Variants in POMK observed in about 807,000 individuals in gnomAD.
POMK encodes the protein protein O-mannose kinase, also known as Sugen kinase 196.
POMK carries 19 observed loss-of-function variants against 23.0 expected under a neutral mutation model. The ratio of observed to expected loss-of-function variants is 0.83; its 90% CI spans 0.58 to 1.21. The LOEUF (loss-of-function observed/expected upper bound fraction) is 1.21. Ranked by LOEUF, POMK falls within the 50% of genes most tolerant of loss-of-function variation. The pLI is 0.00. For synonymous variants in POMK, 173 were observed against 171.6 expected, an observed-to-expected ratio of 1.01 and a Z score of -0.06; for missense variants, 410 against 431.3, an observed-to-expected ratio of 0.95 and a Z score of 0.44.
At chr8:43,095,721 T>A (rs1811321000) in intron 1 of POMK, among the ~76,000 whole-genome samples, 1 of 152,188 alleles carries the variant, frequency 6.6e-6, no homozygotes, top group Non-Finnish European at 1.5e-5. Context: ...GCCAAAACTC[T>A]GGCAAGAGGC....
In POMK at chr8:43,099,797, G is replaced by A. The variant is rs902341957; in HGVS notation, c.-118+2182G>A. ...TAATAGGAGAGTGCAGGAACCTGGG[G>A]TGGGGCTTGGGAACTGGTGGAAATG... On this transcript the variant is annotated intron_variant, in intron 2 of 4. Coordinates refer to ENST00000331373, the MANE Select transcript of POMK (RefSeq NM_032237.5). 7.0e-4 allele frequency among the ~76,000 whole-genome samples: 106 copies of A among 152,280 alleles called. 1 individual carries two copies. The highest frequency in any genetic ancestry group is 2.4e-4 in the Non-Finnish European group (16 of 68,024).
chr8:43,102,678 C>G (rs1464883155), intron 3 of POMK, 78 bp downstream of exon 3: 1 of 152,440 alleles, frequency 6.6e-6, no homozygotes, highest in Non-Finnish European at 1.5e-5. Flanking sequence ...TTAGCTGGCT[C>G]CCACTGGCAT....
rs1811939577 is a variant in POMK at position 43,122,446 on chromosome 8, C to T, written c.622C>T (p.Leu208=). 1.2e-6 allele frequency: 2 copies of T among 1,614,182 alleles called. No individual in the cohort carries two copies. Among genetic ancestry groups the T allele is most frequent in the East Asian group, 4.5e-5 (2 of 44,880 alleles). The change falls in exon 5 of 5, where the codon CTG becomes TTG. Residue 208 remains leucine, a synonymous_variant. Transcript: ENST00000331373. ...GTRVMCDSND[L]PKTLSQYLLT... Reference sequence around the variant, plus strand: ...ACGGGTCATGTGCGACTCCAACGACCTGCCGAAGACACTGTCCCAGTATCT... The same window carrying T: ...ACGGGTCATGTGCGACTCCAACGACTTGCCGAAGACACTGTCCCAGTATCT...
Position 43,122,487 on chromosome 8 carries a change from C to T in POMK, c.663C>T (p.Phe221=), listed in dbSNP as rs145931566. The stretch of plus-strand genomic sequence containing the variant: ...CCCAGTATCTGCTAACAAGCAACTT[C>T]AGCATTTTGGCAAATGACTTGGACG... ...TLSQYLLTSN[F]SILANDLDAL... Residue 221 remains phenylalanine (F), a synonymous_variant, in exon 5 of 5, where the codon TTC becomes TTT. Coordinates refer to ENST00000331373, the MANE Select transcript of POMK (RefSeq NM_032237.5). 1 of 1,614,050 alleles carries T rather than the reference C, an allele frequency of 6.2e-7. No individual in the cohort carries two copies. The highest frequency in any genetic ancestry group is 8.5e-7 in the Non-Finnish European group (1 of 1,180,030).
At chr8:43,093,788 A>G (rs1563334186) in intron 1 of POMK, among the ~76,000 whole-genome samples, 4 of 152,216 alleles carry the variant, frequency 2.6e-5, no homozygotes, top group South Asian at 2.1e-4. Flanking sequence ...GCGGGACGTT[A>G]AAGAACCAGA....
rs1215580686 is a variant in POMK at position 43,122,622 on chromosome 8, G to T, written c.798G>T (p.Val266=). The change falls in exon 5 of 5, where the codon GTG becomes GTT. Residue 266 remains valine, a synonymous_variant. Transcript: ENST00000331373. ...PEQLWPYGED[V]PFHDDLMPSY... ...AACTGTGGCCCTATGGAGAGGACGT[G>T]CCTTTCCACGATGATCTCATGCCCT... The T allele has an allele frequency of 2.5e-6, 4 of 1,614,052 alleles. No individual in the cohort carries two copies. Among genetic ancestry groups the T allele is most frequent in the Non-Finnish European group, 3.4e-6 (4 of 1,180,024 alleles).
chr8:43,113,440 G>A (rs1044389002), intron 4 of POMK, among the ~76,000 whole-genome samples: 1 of 151,938 alleles, frequency 6.6e-6, no homozygotes, highest in Admixed American at 6.6e-5. Flanking sequence ...TGTAGTTCTC[G>A]AGCCTTGGCT....
chr8:43,115,101 G>A (rs1360284957), intron 4 of POMK, among the ~76,000 whole-genome samples: 2 of 152,190 alleles, frequency 1.3e-5, no homozygotes, highest in East Asian at 3.9e-4. Flanking sequence ...AGGATCCCTT[G>A]TGATGTCTTA....
rs893521540 is a variant in POMK, at chr8:43,093,558, C to T, written c.-215C>T. ...GTGGCAGGAGCCGCAGAGGCTTGGG[C>T]TGCAGGTAGGTGCTGCGGCGAGGGG... On this transcript the variant is annotated 5_prime_UTR_variant, in exon 1 of 5. Coordinates refer to ENST00000331373, the MANE Select transcript of POMK (RefSeq NM_032237.5). The T allele has an allele frequency of 1.3e-5, 2 of 152,878 alleles. No homozygotes were observed. The highest frequency in any genetic ancestry group is 6.5e-5 in the Admixed American group (1 of 15,292). 9.5% of individuals were successfully genotyped at this position (152,878 alleles called of 1,614,324 possible). A position where few individuals can be genotyped will look rare whatever the true frequency, so the allele number is the denominator to read the frequency against.
intron 4 of POMK, among the ~76,000 whole-genome samples, chr8:43,116,188 G>A (rs922804041): frequency 6.6e-6 from 1 of 152,212 alleles, no homozygotes; most frequent in Non-Finnish European, 1.5e-5. Context: ...CATGGTGGTA[G>A]GGATTTATGT....
intron 4 of POMK, among the ~76,000 whole-genome samples, chr8:43,115,077 G>T (rs1157737374): frequency 6.6e-6 from 1 of 152,192 alleles, no homozygotes; most frequent in African/African-American, 2.4e-5. Flanking sequence ...CTCTCATTTT[G>T]TGTAACCTTT....
chr8:43,118,813 G>T (rs943831011), intron 4 of POMK, among the ~76,000 whole-genome samples: 10 of 146,466 alleles, frequency 6.8e-5, no homozygotes, highest in South Asian at 2.1e-4. Context: ...TGTTTTTTTT[G>T]TTGTTGTTGT....
Position 43,122,471 on chromosome 8 carries a change from T to G in POMK, c.647T>G (p.Leu216Arg). ...NDLPKTLSQY[L>R]LTSNFSILAN... ...CTGCCGAAGACACTGTCCCAGTATC[T>G]GCTAACAAGCAACTTCAGCATTTTG... is the stretch of plus-strand genomic sequence containing the variant. Residue 216 changes from leucine (L) to arginine (R), a missense_variant, in exon 5 of 5, where the codon CTG (leucine) becomes CGG (arginine). By Grantham distance (102) the Leu-to-Arg change is moderately radical (BLOSUM62 -2). Coordinates refer to ENST00000331373, the MANE Select transcript of POMK (RefSeq NM_032237.5). 6.2e-6 allele frequency: 10 copies of G among 1,614,178 alleles called. No individual in the cohort carries two copies. Among genetic ancestry groups the G allele is most frequent in the Non-Finnish European group, 8.5e-6 (10 of 1,180,028 alleles).
chr8:43,108,544 C>A (rs553752403), intron 4 of POMK, among the ~76,000 whole-genome samples: 2 of 152,156 alleles, frequency 1.3e-5, no homozygotes, highest in African/African-American at 2.4e-5. Context: ...AAAGAAATTT[C>A]CCTGACTCTG....
chr8:43,110,877 G>T (rs1391284321), intron 4 of POMK, among the ~76,000 whole-genome samples: 1 of 151,996 alleles, frequency 6.6e-6, no homozygotes, highest in African/African-American at 2.4e-5. Context: ...CCGAGATCGC[G>T]CCATTGCACT....
chr8:43,095,810 C>T (rs911400579), intron 1 of POMK, among the ~76,000 whole-genome samples: 8 of 152,116 alleles, frequency 5.3e-5, no homozygotes, highest in African/African-American at 1.9e-4. Context: ...GCTTCAGGCC[C>T]CATAAAACCT....
chr8:43,111,207 C>T (rs1028167981), intron 4 of POMK, among the ~76,000 whole-genome samples: 2 of 152,186 alleles, frequency 1.3e-5, no homozygotes, highest in African/African-American at 2.4e-5. Context: ...CCTGGAAAAT[C>T]GGGTCACTCC....
At chr8:43,103,268 A>G (rs1242896477) in intron 3 of POMK, among the ~76,000 whole-genome samples, 1 of 152,200 alleles carries the variant, frequency 6.6e-6, no homozygotes, top group East Asian at 1.9e-4. Context: ...TGTGAGTCGG[A>G]CAGAGTCAGA....
Position 43,103,822 on chromosome 8 carries a change from G to C in POMK, c.274G>C (p.Val92Leu), listed in dbSNP as rs779908103. The C allele has an allele frequency of 6.2e-7, 1 of 1,614,000 alleles. No homozygotes were observed. The highest frequency in any genetic ancestry group is 1.3e-5 in the African/African-American group (1 of 74,948). Residue 92 changes from valine (V) to leucine (L), a missense_variant, in exon 4 of 5, where the codon GTA becomes CTA. Coordinates refer to ENST00000331373, the MANE Select transcript of POMK (RefSeq NM_032237.5). Reference sequence around the variant, plus strand: ...GCTGAAGCGTGTTGGGGAAGGAGCTGTAAAGAGAGTGAGTCCGGGTTCATT... The same window carrying C: ...GCTGAAGCGTGTTGGGGAAGGAGCTCTAAAGAGAGTGAGTCCGGGTTCATT... ...RQLKRVGEGA[V>L]KRVFLSEWKE...
Sources: gnomAD v4.1 joint callset for allele counts (sites outside exome capture counted in the v4.1 genomes callset) on GRCh38, gnomAD v4.1.1 for gene constraint, MANE v1.5 for transcripts, NCBI Gene and HGNC (gene_info 2026-07-23, HGNC 2026-07-21) for gene names.